Variants in CACNA1G observed in about 807,000 individuals in gnomAD.
CACNA1G encodes the protein calcium voltage-gated channel subunit alpha1 G.
A neutral mutation model predicts 219.4 loss-of-function variants in CACNA1G; 67 were observed. That is an observed-to-expected ratio of 0.31 (90% CI 0.25 to 0.37). CACNA1G has a LOEUF of 0.37. Ranked by LOEUF, CACNA1G falls within the 10% of genes least tolerant of loss-of-function variation. The probability of loss-of-function intolerance (pLI) is 1.00; values close to 1 mark genes in which losing one functional copy is unlikely to be tolerated. For synonymous variants in CACNA1G, 1,296 were observed against 1,345.3 expected, an observed-to-expected ratio of 0.96 and a Z score of 0.80; for missense variants, 2,380 against 3,231.4, an observed-to-expected ratio of 0.74 and a Z score of 6.39.
intron 1 of CACNA1G, among the ~76,000 whole-genome samples, chr17:50,568,147 G>A (rs947022732): frequency 4.6e-5 from 7 of 152,144 alleles, no homozygotes; most frequent in Non-Finnish European, 1.0e-4. Flanking sequence ...GTAGCAGCGG[G>A]GACTGCAGCT....
chr17:50,578,853 A>G lies in CACNA1G; in HGVS notation c.2301+289A>G, dbSNP rs1390668823. On this transcript the variant is annotated intron_variant, in intron 9 of 37. Coordinates refer to ENST00000359106, the MANE Select transcript of CACNA1G (RefSeq NM_018896.5). This position sits in a 1 kb window ranked among gnomAD's most constrained non-coding sequence, Gnocchi z 4.5. ...CTTTGAAGGATGTGAACAAGTGGTG[A>G]GCATCAGCATGTGGGGAGAGGCGCG... Among the ~76,000 whole-genome samples, 1 of 152,170 alleles carries G rather than the reference A, an allele frequency of 6.6e-6. No homozygotes were observed. Among genetic ancestry groups the G allele is most frequent in the Non-Finnish European group, 1.5e-5 (1 of 68,028 alleles).
At position 50,624,056 on chromosome 17, in the gene CACNA1G, G is replaced by T. The variant is rs1203778940; in HGVS notation, c.6210G>T (p.Gly2070=). 17 of 1,612,396 alleles carry T rather than the reference G, an allele frequency of 1.1e-5. No homozygotes were observed. Among genetic ancestry groups the T allele is most frequent in the Non-Finnish European group, 1.4e-5 (16 of 1,179,374 alleles). Residue 2070 remains glycine (G), a synonymous_variant, in exon 36 of 38, where the codon GGG becomes GGT. Transcript: ENST00000359106. The stretch of plus-strand genomic sequence containing the variant: ...GGCCCCTGGGACACAGGGGCTGGGG[G>T]CTCCCCAAAGCTCAGTCAGGTACCA... ...AEGPLGHRGW[G]LPKAQSGSVL... is the part of the protein sequence containing the mutation.
intron 36 of CACNA1G, 35 bp from the exon 37 acceptor site, chr17:50,624,325 C>CG: frequency 1.3e-6 from 1 of 788,340 alleles, no homozygotes; most frequent in Non-Finnish European, 2.1e-6. Context: ...TCCATTCTCT[C>CG]CCCCCACCCC....
At position 50,619,132 on chromosome 17, in the gene CACNA1G, C is replaced by T. The variant is rs563642087; in HGVS notation, c.5781+124C>T. ...GCTCCTCCTGGAGGCTCCCGCCCTCCGTCCTGGATGCTGAGCGAGCAGTCA... is the reference window on the plus strand; with the variant it reads ...GCTCCTCCTGGAGGCTCCCGCCCTCTGTCCTGGATGCTGAGCGAGCAGTCA... On this transcript the variant is annotated intron_variant, in intron 33 of 37. Transcript: ENST00000359106. 119 of 731,314 alleles carry T rather than the reference C, an allele frequency of 1.6e-4. 1 individual carries two copies. Among genetic ancestry groups the T allele is most frequent in the Non-Finnish European group, 2.2e-4 (101 of 468,806 alleles). 45.3% of individuals were successfully genotyped at this position (731,314 alleles called of 1,614,324 possible).
In CACNA1G at chr17:50,615,534, A is replaced by T. The variant is rs202139598; in HGVS notation, c.4911+22A>T. 3.5e-5 allele frequency: 56 copies of T among 1,608,348 alleles called. No individual in the cohort carries two copies. The African/African-American group carries it at 6.8e-4, about 20-fold the overall frequency. Reference sequence around the variant, plus strand: ...CCAGGTAGGAGCGAGTGGACCAGCCATCTGGCCCCCCCACCTCCAGCTGAG... The same window carrying T: ...CCAGGTAGGAGCGAGTGGACCAGCCTTCTGGCCCCCCCACCTCCAGCTGAG... On this transcript the variant is annotated intron_variant, in intron 27 of 37. Transcript: ENST00000359106.
chr17:50,567,142 A>G (rs2038111426), intron 1 of CACNA1G, among the ~76,000 whole-genome samples: 1 of 152,180 alleles, frequency 6.6e-6, no homozygotes, highest in Non-Finnish European at 1.5e-5. Context: ...GGAGAGATCC[A>G]CTGCACTCCG....
rs910890516 is a variant in CACNA1G, at chr17:50,568,358, G to T, written c.243-512G>T. Among the ~76,000 whole-genome samples, 3 of 152,300 alleles carry T rather than the reference G, an allele frequency of 2.0e-5. No homozygotes were observed. The South Asian group carries it at 6.2e-4, about 32-fold the overall frequency. ...TTCCTCGAGTTCTGGGGAAGAAAAT[G>T]ATCTACCCCAGATATTTCACAGGGC... On this transcript the variant is annotated intron_variant, in intron 1 of 37. Coordinates refer to ENST00000359106, the MANE Select transcript of CACNA1G (RefSeq NM_018896.5).
intron 22 of CACNA1G, among the ~76,000 whole-genome samples, chr17:50,605,114 C>T (rs972676981): frequency 3.3e-5 from 5 of 152,188 alleles, no homozygotes; most frequent in African/African-American, 1.2e-4. Flanking sequence ...ACCCAGTGCC[C>T]TTCCCCTTCC....
In CACNA1G at chr17:50,621,647, T is replaced by C; in HGVS notation, c.5926-13T>C. On this transcript the variant is annotated splice_polypyrimidine_tract_variant and intron_variant, in intron 34 of 37. Coordinates refer to ENST00000359106, the MANE Select transcript of CACNA1G (RefSeq NM_018896.5). The surrounding 1 kb of genome is among the most constrained non-coding windows in gnomAD (Gnocchi z 4.6). ...CTGGTTTCTCATGCCTGATCATCTCTCTCCCTGTCTAGATCCCTCTAGCTG... is the reference window on the plus strand; with the variant it reads ...CTGGTTTCTCATGCCTGATCATCTCCCTCCCTGTCTAGATCCCTCTAGCTG... 1 of 1,613,168 alleles carries C rather than the reference T, an allele frequency of 6.2e-7. No individual in the cohort carries two copies. The highest frequency in any genetic ancestry group is 8.5e-7 in the Non-Finnish European group (1 of 1,179,338).
chr17:50,561,272 C>T lies in CACNA1G; in HGVS notation c.-188C>T. ...GGCGGGGTTTCCCTGCGCCCCGGCG[C>T]CCCGCGGGCAGCATGCCCCTGCGGG... On this transcript the variant is annotated 5_prime_UTR_variant, in exon 1 of 38. Coordinates refer to ENST00000359106, the MANE Select transcript of CACNA1G (RefSeq NM_018896.5). The T allele has an allele frequency of 1.6e-6, 1 of 613,432 alleles. No individual in the cohort carries two copies. 38.0% of individuals were successfully genotyped at this position (613,432 alleles called of 1,614,324 possible).
At chr17:50,565,872 T>C (rs2037685646) in intron 1 of CACNA1G, among the ~76,000 whole-genome samples, 1 of 152,140 alleles carries the variant, frequency 6.6e-6, no homozygotes, top group Non-Finnish European at 1.5e-5. Flanking sequence ...CTCTCTGCCG[T>C]TTCCTTTTTC....
At position 50,571,633 on chromosome 17, in the gene CACNA1G, C is replaced by T. The variant is rs1226148393; in HGVS notation, c.587-245C>T. 6.6e-6 allele frequency among the ~76,000 whole-genome samples: 1 copy of T among 152,196 alleles called. No homozygotes were observed. The highest frequency in any genetic ancestry group is 1.5e-5 in the Non-Finnish European group (1 of 68,032). ...GAGTTAGGAGGGGCCACAGTTTCCC[C>T]AGCTCACTGTTGGTGGTACTGTGCA... On this transcript the variant is annotated intron_variant, in intron 4 of 37. Coordinates refer to ENST00000359106, the MANE Select transcript of CACNA1G (RefSeq NM_018896.5). The surrounding 1 kb of genome is among the most constrained non-coding windows in gnomAD (Gnocchi z 4.3).
Position 50,575,817 on chromosome 17 carries a change from G to A in CACNA1G, c.1415G>A (p.Gly472Glu). 6.4e-7 allele frequency: 1 copy of A among 1,550,990 alleles called. No individual in the cohort carries two copies. The highest frequency in any genetic ancestry group is 8.7e-7 in the Non-Finnish European group (1 of 1,147,456). ...VGLLSSPAPL[G>E]GQETQPSSSC... ...CTGCTCAGCAGCCCAGCACCCCTCGGGGGCCAGGAGACCCAGCCCAGCAGC... is the reference window on the plus strand; with the variant it reads ...CTGCTCAGCAGCCCAGCACCCCTCGAGGGCCAGGAGACCCAGCCCAGCAGC... Residue 472 changes from glycine (G) to glutamate (E), a missense_variant, in exon 8 of 38, where the codon GGG becomes GAG. Physicochemically the swap from Gly to Glu is moderately conservative, Grantham distance 98. Around this residue, in one of 17 missense-constraint regions of CACNA1G, gnomAD observed 434 missense variants for 417.3 expected, o/e 1.04. Coordinates refer to ENST00000359106, the MANE Select transcript of CACNA1G (RefSeq NM_018896.5).
At chr17:50,611,162 G>A (rs985699047) in intron 26 of CACNA1G, among the ~76,000 whole-genome samples, 3 of 151,890 alleles carry the variant, frequency 2.0e-5, no homozygotes, top group East Asian at 1.9e-4. Flanking sequence ...GCTGAGGCAG[G>A]AGAATCGCTT....
At position 50,626,379 on chromosome 17, in the gene CACNA1G, C is replaced by G. The variant is rs1284733349; in HGVS notation, c.6762C>G (p.Cys2254Trp). 6.2e-7 allele frequency: 1 copy of G among 1,612,040 alleles called. No homozygotes were observed. The highest frequency in any genetic ancestry group is 2.2e-5 in the East Asian group (1 of 44,832). ...KKCYSVEAQS[C>W]QRRPTSWLDE... ...GCTACAGCGTGGAGGCCCAGAGCTG[C>G]CAGCGCCGGCCTACGTCCTGGCTGG... The change falls in exon 38 of 38, where the codon TGC becomes TGG. Residue 2254 changes from cysteine to tryptophan, a missense_variant. Transcript: ENST00000359106. This position sits in a 1 kb window ranked among gnomAD's most constrained non-coding sequence, Gnocchi z 4.3.
chr17:50,579,530 C>T (rs2041467849), intron 9 of CACNA1G, among the ~76,000 whole-genome samples: 1 of 152,242 alleles, frequency 6.6e-6, no homozygotes, highest in African/African-American at 2.4e-5. Flanking sequence ...TCCCCCTCCC[C>T]CCAGTCTGGC....
chr17:50,592,209 G>A, intron 13 of CACNA1G, 117 bp downstream of exon 13: 1 of 1,109,940 alleles, frequency 9.0e-7, no homozygotes, highest in South Asian at 1.6e-5. Flanking sequence ...AGTCCCACAG[G>A]AAGAGCCTCT....
Position 50,568,939 on chromosome 17 carries a change from C to T in CACNA1G, c.312C>T (p.Cys104=), listed in dbSNP as rs371274681. Residue 104 remains cysteine, a synonymous_variant, in exon 2 of 38, where the codon TGC becomes TGT. Transcript: ENST00000359106. ...NCVTLGMFRP[C]EDIACDSQRC... is the part of the protein sequence containing the mutation. ...TGACCCTGGGCATGTTCCGGCCATG[C>T]GAGGACATCGCCTGTGACTCCCAGC... 1.4e-5 allele frequency: 22 copies of T among 1,612,908 alleles called. No individual in the cohort carries two copies. The highest frequency in any genetic ancestry group is 8.9e-5 in the East Asian group (4 of 44,852).
At chr17:50,610,691 C>G (rs2049012946) in intron 26 of CACNA1G, among the ~76,000 whole-genome samples, 1 of 152,150 alleles carries the variant, frequency 6.6e-6, no homozygotes, top group Admixed American at 6.5e-5. Flanking sequence ...GGTTCCCAAG[C>G]TGTTCATCCC....
Sources: gnomAD v4.1 joint callset for allele counts (sites outside exome capture counted in the v4.1 genomes callset) on GRCh38, gnomAD v4.1.1 for gene constraint, gnomAD v4.1.1 regional missense constraint, Gnocchi (gnomAD v3.1) non-coding constraint, MANE v1.5 for transcripts, NCBI Gene and HGNC (gene_info 2026-07-23, HGNC 2026-07-21) for gene names.